CAMK4: variants seen among roughly 807,000 people sequenced by gnomAD.
CAMK4 encodes the protein calcium/calmodulin dependent protein kinase IV.
CAMK4 carries 22 observed loss-of-function variants against 44.9 expected under a neutral mutation model. That is an observed-to-expected ratio of 0.49 (90% CI 0.35 to 0.70). CAMK4 has a LOEUF of 0.70. CAMK4 is among the 30% of genes least tolerant of loss of function. The pLI, the probability that CAMK4 is intolerant of heterozygous loss-of-function variation, is 0.01. For missense variants in CAMK4, 498 were observed against 586.8 expected (o/e 0.85, Z 1.56); for synonymous variants, 218 against 215.4 (o/e 1.01, Z -0.11).
intron 1 of CAMK4, among the ~76,000 whole-genome samples, chr5:111,238,142 T>C (rs1430619016): frequency 6.6e-6 from 1 of 152,162 alleles, no homozygotes; most frequent in Non-Finnish European, 1.5e-5. Flanking sequence ...TTACTTCTTG[T>C]TTTCTGAGTC....
chr5:111,352,782 G>A (rs1170199232), intron 2 of CAMK4, among the ~76,000 whole-genome samples: 1 of 152,008 alleles, frequency 6.6e-6, no homozygotes, highest in Non-Finnish European at 1.5e-5. Flanking sequence ...TCATGGGAAT[G>A]GTGCACCATC....
chr5:111,384,646 C>T (rs993567083), intron 4 of CAMK4, among the ~76,000 whole-genome samples: 3 of 152,140 alleles, frequency 2.0e-5, no homozygotes, highest in Non-Finnish European at 4.4e-5. Context: ...TCTCCCTTTT[C>T]CTTTAGATTC....
intron 4 of CAMK4, among the ~76,000 whole-genome samples, chr5:111,391,275 G>C (rs1340506270): frequency 6.6e-6 from 1 of 152,066 alleles, no homozygotes; most frequent in Non-Finnish European, 1.5e-5. Context: ...ATTTTTGAAC[G>C]CTTCATGAAC....
At chr5:111,275,623 G>A (rs1750728119) in intron 1 of CAMK4, among the ~76,000 whole-genome samples, 1 of 152,064 alleles carries the variant, frequency 6.6e-6, no homozygotes, top group South Asian at 2.1e-4. Context: ...TAGCTTGGGA[G>A]TAAAGCATTT....
chr5:111,435,805 C>A lies in CAMK4; in HGVS notation c.460-10881C>A, dbSNP rs1753624242. ...CATAGCCTCCATTCCTAAATTCTCA[C>A]CTTTTCTGAAACATGGGCACATACA... On this transcript the variant is annotated intron_variant, in intron 5 of 10. Coordinates refer to ENST00000282356, the MANE Select transcript of CAMK4 (RefSeq NM_001744.6). 2.0e-5 allele frequency among the ~76,000 whole-genome samples: 3 copies of A among 152,296 alleles called. No individual in the cohort carries two copies. In the South Asian group the frequency reaches 6.2e-4, roughly 32 times the overall value.
At chr5:111,395,845 C>A (rs1454475750) in intron 5 of CAMK4, among the ~76,000 whole-genome samples, 1 of 152,114 alleles carries the variant, frequency 6.6e-6, no homozygotes, top group African/African-American at 2.4e-5. Flanking sequence ...ATTATTTGAA[C>A]ATTCAAGACA....
At chr5:111,425,519 TAGAA>T (rs1753195039) in intron 5 of CAMK4, among the ~76,000 whole-genome samples, 1 of 152,178 alleles carries the variant, frequency 6.6e-6, no homozygotes, top group African/African-American at 2.4e-5. Flanking sequence ...TAGCCACAAA[TAGAA>T]AGACTAAGAG....
intron 1 of CAMK4, among the ~76,000 whole-genome samples, chr5:111,342,303 G>A (rs1045626255): frequency 1.3e-5 from 2 of 151,334 alleles, no homozygotes; most frequent in African/African-American, 4.8e-5. Flanking sequence ...AAACCCTGTT[G>A]TTAGGTGCAC....
At chr5:111,324,935 C>G (rs1387560642) in intron 1 of CAMK4, among the ~76,000 whole-genome samples, 1 of 151,798 alleles carries the variant, frequency 6.6e-6, no homozygotes, top group Non-Finnish European at 1.5e-5. Flanking sequence ...CTGCACCTAT[C>G]AACCCGTCAT....
intron 2 of CAMK4, among the ~76,000 whole-genome samples, chr5:111,357,787 C>G (rs1750428089): frequency 6.6e-6 from 1 of 152,040 alleles, no homozygotes; most frequent in Admixed American, 6.6e-5. Context: ...AGAATGGAAC[C>G]CACACTGAAT....
At chr5:111,394,300 C>T (rs542333930) in intron 4 of CAMK4, among the ~76,000 whole-genome samples, 8 of 151,920 alleles carry the variant, frequency 5.3e-5, no homozygotes, top group Non-Finnish European at 1.0e-4. Context: ...ATGTCTGATG[C>T]GTGCTTCAAA....
At chr5:111,336,419 C>A (rs536882488) in intron 1 of CAMK4, among the ~76,000 whole-genome samples, 1 of 150,866 alleles carries the variant, frequency 6.6e-6, no homozygotes, top group African/African-American at 2.4e-5. Context: ...AATGTGATTG[C>A]TTTCTAAAAT....
intron 2 of CAMK4, among the ~76,000 whole-genome samples, chr5:111,369,209 G>A (rs1156348594): frequency 1.3e-5 from 2 of 151,750 alleles, no homozygotes; most frequent in African/African-American, 4.8e-5. Context: ...GGGATTACAG[G>A]CATGTGTTGC....
intron 1 of CAMK4, among the ~76,000 whole-genome samples, chr5:111,257,039 G>T (rs1216309521): frequency 1.3e-5 from 2 of 152,054 alleles, no homozygotes; most frequent in Non-Finnish European, 2.9e-5. Context: ...ACCCAAAACT[G>T]TAAAAACCCT....
chr5:111,361,151 A>G (rs756709467), intron 2 of CAMK4, among the ~76,000 whole-genome samples: 7 of 151,916 alleles, frequency 4.6e-5, no homozygotes, highest in African/African-American at 9.7e-5. Context: ...CCAGGTTTTT[A>G]TTTTTTCCAT....
intron 1 of CAMK4, among the ~76,000 whole-genome samples, chr5:111,257,220 C>G (rs1749780029): frequency 6.6e-6 from 1 of 152,170 alleles, no homozygotes; most frequent in South Asian, 2.1e-4. Context: ...AGACAACCTA[C>G]AGAATGGAAG....
intron 1 of CAMK4, among the ~76,000 whole-genome samples, chr5:111,338,006 T>C (rs187098125): frequency 6.6e-6 from 1 of 151,382 alleles, no homozygotes; most frequent in East Asian, 2.0e-4. Flanking sequence ...TCATGTGATT[T>C]TAGTTTCCAT....
intron 1 of CAMK4, among the ~76,000 whole-genome samples, chr5:111,283,284 C>T (rs1751098370): frequency 6.6e-6 from 1 of 152,068 alleles, no homozygotes; most frequent in Admixed American, 6.6e-5. Flanking sequence ...ATATGTAGAT[C>T]TTAAGTCATT....
At chr5:111,454,246 C>T (rs1015905796) in intron 7 of CAMK4, among the ~76,000 whole-genome samples, 1 of 152,142 alleles carries the variant, frequency 6.6e-6, no homozygotes, top group African/African-American at 2.4e-5. Flanking sequence ...TCCTTAAGTG[C>T]ACTGTGTCTA....
Sources: allele counts gnomAD v4.1 joint callset (sites outside exome capture counted in the v4.1 genomes callset), GRCh38; gene constraint gnomAD v4.1.1; transcripts MANE v1.5; gene names NCBI Gene and HGNC (gene_info 2026-07-23, HGNC 2026-07-21).